The following CDKN2B-AS1 variants were observed in gnomAD, a reference collection of about 807,000 sequenced individuals.
CDKN2B-AS1 encodes CDKN2B antisense RNA 1 (non-protein coding).
At chr9:22,079,403 G>T (rs1001176180) in intron 4 of CDKN2B-AS1, among the ~76,000 whole-genome samples, 1 of 151,812 alleles carries the variant, frequency 6.6e-6, no homozygotes, top group Admixed American at 6.6e-5. Flanking sequence ...CAGGAGACTT[G>T]CTTGAATGCA....
intron 4 of CDKN2B-AS1, among the ~76,000 whole-genome samples, chr9:22,065,151 T>C (rs1428281511): frequency 6.6e-6 from 1 of 152,214 alleles, no homozygotes; most frequent in South Asian, 2.1e-4. Flanking sequence ...ACTGGCATTC[T>C]TCCCTGGAGT....
rs768611982 is a variant in CDKN2B-AS1 at position 22,000,178 on chromosome 9, C to T, written n.29+5017C>T. Among the ~76,000 whole-genome samples, 6 of 152,050 alleles carry T rather than the reference C, an allele frequency of 3.9e-5. No homozygotes were observed. The highest frequency in any genetic ancestry group is 1.2e-4 in the African/African-American group (5 of 41,408). ...AAGTCTAAATGTTAAAACATCCTCACGGGTGATTCTGACATGGAGCCAGGA... is the reference window on the plus strand; with the variant it reads ...AAGTCTAAATGTTAAAACATCCTCATGGGTGATTCTGACATGGAGCCAGGA... On this transcript the variant is annotated intron_variant and non_coding_transcript_variant, in intron 1 of 4. Transcript: ENST00000650946. The surrounding 1 kb of genome is among the most constrained non-coding windows in gnomAD (Gnocchi z 4.1).
At chr9:22,126,494 GC>G in intron 4 of CDKN2B-AS1, among the ~76,000 whole-genome samples, 1 of 151,528 alleles carries the variant, frequency 6.6e-6, no homozygotes. Flanking sequence ...AGCAAAGTTT[GC>G]TTATCTTTCG....
In CDKN2B-AS1 at chr9:21,995,666, C is replaced by G. The variant is rs1195376794; in HGVS notation, n.29+505C>G. 1.3e-5 allele frequency: 2 copies of G among 152,776 alleles called. No homozygotes were observed. Among genetic ancestry groups the G allele is most frequent in the Non-Finnish European group, 2.9e-5 (2 of 68,464 alleles). 9.5% of individuals were successfully genotyped at this position (152,776 alleles called of 1,614,324 possible). ...AAAGCAGGGCAAGGAAAGGAAGGAG[C>G]GGCAGAAAGGAGGGGTGAGTCGAGG... On this transcript the variant is annotated intron_variant and non_coding_transcript_variant, in intron 1 of 4. Transcript: ENST00000650946. The surrounding 1 kb of genome is among the most constrained non-coding windows in gnomAD (Gnocchi z 5.7).
At chr9:22,085,204 A>T (rs1484355416) in intron 4 of CDKN2B-AS1, among the ~76,000 whole-genome samples, 2 of 152,224 alleles carry the variant, frequency 1.3e-5, no homozygotes, top group South Asian at 4.1e-4. Context: ...AAAAAAGTTT[A>T]TCAGTTAATT....
In CDKN2B-AS1 at chr9:22,070,679, G is replaced by A. The variant is rs576643518; in HGVS notation, n.438+14292G>A. Among the ~76,000 whole-genome samples, 9 of 152,280 alleles carry A rather than the reference G, an allele frequency of 5.9e-5. No homozygotes were observed. The South Asian group carries it at 1.9e-3, about 32-fold the overall frequency. On this transcript the variant is annotated intron_variant and non_coding_transcript_variant, in intron 4 of 4. Transcript: ENST00000650946. ...TACCATCAGGCAGAGCTGAAATGTT[G>A]GCACATGGTGAAGTGCTAGTTACCG...
At chr9:22,127,104 T>G (rs748414346) in exon 5 of CDKN2B-AS1, among the ~76,000 whole-genome samples, 2 of 152,096 alleles carry the variant, frequency 1.3e-5, no homozygotes, top group African/African-American at 4.8e-5. Flanking sequence ...TTTTTTTAGA[T>G]GTAGTGTCAC....
chr9:22,053,992 G>A (rs1823457807), intron 3 of CDKN2B-AS1, among the ~76,000 whole-genome samples: 1 of 152,016 alleles, frequency 6.6e-6, no homozygotes, highest in Admixed American at 6.6e-5. Context: ...CTAACTGTGT[G>A]ACCTGGGATA....
At chr9:22,014,935 T>C (rs1235278987) in intron 1 of CDKN2B-AS1, among the ~76,000 whole-genome samples, 2 of 152,112 alleles carry the variant, frequency 1.3e-5, no homozygotes, top group African/African-American at 4.8e-5. Context: ...ACAAAGGACA[T>C]GAACTCATCA....
At chr9:22,106,916 G>C (rs903458867) in intron 4 of CDKN2B-AS1, among the ~76,000 whole-genome samples, 4 of 152,156 alleles carry the variant, frequency 2.6e-5, no homozygotes, top group Admixed American at 2.0e-4. Flanking sequence ...AGATCAAACA[G>C]GTTAAGAAAC....
intron 4 of CDKN2B-AS1, among the ~76,000 whole-genome samples, chr9:22,108,377 G>A (rs529749377): frequency 6.6e-6 from 1 of 152,172 alleles, no homozygotes; most frequent in Non-Finnish European, 1.5e-5. Context: ...TATGCACATT[G>A]CTTGGTCATT....
At chr9:22,078,054 C>T (rs1279459818) in intron 4 of CDKN2B-AS1, among the ~76,000 whole-genome samples, 1 of 152,042 alleles carries the variant, frequency 6.6e-6, no homozygotes, top group East Asian at 1.9e-4. Context: ...TTTTTTTCTC[C>T]CTCAAACATG....
chr9:22,045,867 A>G (rs1159665280), intron 1 of CDKN2B-AS1, among the ~76,000 whole-genome samples: 1 of 152,142 alleles, frequency 6.6e-6, no homozygotes, highest in Non-Finnish European at 1.5e-5. Flanking sequence ...CATAAATCAG[A>G]AGGTGTATTT....
At chr9:22,027,418 C>G (rs1421840005) in intron 1 of CDKN2B-AS1, among the ~76,000 whole-genome samples, 2 of 152,090 alleles carry the variant, frequency 1.3e-5, no homozygotes, top group Non-Finnish European at 2.9e-5. Flanking sequence ...GATAAAAGCA[C>G]TCAGAAAAAA....
intron 4 of CDKN2B-AS1, among the ~76,000 whole-genome samples, chr9:22,062,390 C>T (rs570107372): frequency 5.1e-4 from 78 of 152,278 alleles, no homozygotes; most frequent in African/African-American, 1.7e-3. Flanking sequence ...TACCTCATTT[C>T]TGGGCACAGC....
chr9:22,017,243 G>A (rs1010849592), intron 1 of CDKN2B-AS1, among the ~76,000 whole-genome samples: 1 of 152,068 alleles, frequency 6.6e-6, no homozygotes, highest in African/African-American at 2.4e-5. Context: ...TGGCCAATAT[G>A]GTGAAACCCC....
intron 3 of CDKN2B-AS1, among the ~76,000 whole-genome samples, chr9:22,056,032 T>G (rs1823548768): frequency 6.6e-6 from 1 of 150,802 alleles, no homozygotes; most frequent in African/African-American, 2.4e-5. Context: ...TCTTGAAGGT[T>G]ACATAGATTT....
rs552527506 is a variant in CDKN2B-AS1, at chr9:22,039,213, G to C, written n.30-7538G>C. On this transcript the variant is annotated intron_variant and non_coding_transcript_variant, in intron 1 of 4. Transcript: ENST00000650946. This position sits in a 1 kb window ranked among gnomAD's most constrained non-coding sequence, Gnocchi z 4.4. ...TCCAAATCTTTAGACTTTGTTGCTC[G>C]GTGGAACTAGAATCATTAATATCTC... Among the ~76,000 whole-genome samples the C allele has an allele frequency of 1.3e-5, 2 of 151,888 alleles. No homozygotes were observed. Among genetic ancestry groups the C allele is most frequent in the African/African-American group, 2.4e-5 (1 of 41,384 alleles).
At chr9:22,072,849 G>C (rs904296748) in intron 4 of CDKN2B-AS1, among the ~76,000 whole-genome samples, 5 of 152,180 alleles carry the variant, frequency 3.3e-5, no homozygotes, top group African/African-American at 1.2e-4. Context: ...TGTCTTTGGG[G>C]AAATATTTAA....
Sources: gnomAD v4.1 joint callset for allele counts (sites outside exome capture counted in the v4.1 genomes callset) on GRCh38, gnomAD v4.1.1 for gene constraint, Gnocchi (gnomAD v3.1) non-coding constraint, MANE v1.5 for transcripts, NCBI Gene and HGNC (gene_info 2026-07-23, HGNC 2026-07-21) for gene names.